GRIA1: variants seen among roughly 807,000 people sequenced by gnomAD.
GRIA1 encodes glutamate receptor 1.
In GRIA1, 31 loss-of-function variants were observed where a neutral mutation model predicts 99.2. The ratio of observed to expected loss-of-function variants is 0.31; its 90% CI spans 0.23 to 0.42. GRIA1 has a LOEUF of 0.42. GRIA1 is among the 10% of genes least tolerant of loss of function. The pLI is 1.00. For missense variants in GRIA1, 782 were observed against 1,157.5 expected, an observed-to-expected ratio of 0.68 and a Z score of 4.71; for synonymous variants, 438 against 432.4, an observed-to-expected ratio of 1.01 and a Z score of -0.16.
intron 2 of GRIA1, among the ~76,000 whole-genome samples, chr5:153,533,558 CT>C (rs927725822): frequency 1.3e-5 from 2 of 152,176 alleles, no homozygotes; most frequent in African/African-American, 4.8e-5. Flanking sequence ...TCTCAAGAAA[CT>C]TGTGTCTCAG....
intron 2 of GRIA1, among the ~76,000 whole-genome samples, chr5:153,590,442 C>T (rs1022674741): frequency 2.6e-5 from 4 of 151,010 alleles, no homozygotes; most frequent in Non-Finnish European, 5.9e-5. Context: ...ACTGAGAGAC[C>T]GCCAGAGTCC....
chr5:153,627,587 C>T (rs1219990518), intron 2 of GRIA1, among the ~76,000 whole-genome samples: 1 of 152,104 alleles, frequency 6.6e-6, no homozygotes, highest in Non-Finnish European at 1.5e-5. Context: ...ATGGGGCAAG[C>T]GATGCTCTCT....
chr5:153,533,797 C>T (rs894279563), intron 2 of GRIA1, among the ~76,000 whole-genome samples: 1 of 152,174 alleles, frequency 6.6e-6, no homozygotes, highest in African/African-American at 2.4e-5. Context: ...CATATGAGTG[C>T]CGAGCATTCT....
intron 5 of GRIA1, among the ~76,000 whole-genome samples, chr5:153,656,135 T>C (rs1406377025): frequency 6.6e-6 from 1 of 152,204 alleles, no homozygotes; most frequent in Non-Finnish European, 1.5e-5. Context: ...ATTCCAGCTT[T>C]AATTGGCTCT....
At chr5:153,758,831 A>G (rs1581607330) in intron 11 of GRIA1, among the ~76,000 whole-genome samples, 1 of 152,020 alleles carries the variant, frequency 6.6e-6, no homozygotes, top group Non-Finnish European at 1.5e-5. Context: ...TATCACATAC[A>G]TATATCACAA....
At chr5:153,626,143 G>C (rs569015216) in intron 2 of GRIA1, among the ~76,000 whole-genome samples, 1 of 152,182 alleles carries the variant, frequency 6.6e-6, no homozygotes, top group Admixed American at 6.5e-5. Flanking sequence ...TAGTTTCCTC[G>C]TTGGGTTATG....
At chr5:153,530,995 CA>C (rs1337779561) in intron 2 of GRIA1, among the ~76,000 whole-genome samples, 1 of 152,098 alleles carries the variant, frequency 6.6e-6, no homozygotes, top group African/African-American at 2.4e-5. Context: ...TAATAAAGGT[CA>C]GGGGGAAAAT....
At chr5:153,688,654 G>A (rs1354694453) in intron 8 of GRIA1, among the ~76,000 whole-genome samples, 1 of 152,178 alleles carries the variant, frequency 6.6e-6, no homozygotes, top group East Asian at 1.9e-4. Flanking sequence ...CTACTGTTAA[G>A]AGTACTGCCT....
At chr5:153,544,884 T>A (rs1210116933) in intron 2 of GRIA1, among the ~76,000 whole-genome samples, 2 of 152,106 alleles carry the variant, frequency 1.3e-5, no homozygotes, top group Non-Finnish European at 2.9e-5. Context: ...CCAAAATAAA[T>A]GAGGTAATTT....
chr5:153,809,073 CT>C (rs1766633233), intron 15 of GRIA1, among the ~76,000 whole-genome samples: 2 of 152,250 alleles, frequency 1.3e-5, no homozygotes, highest in African/African-American at 4.8e-5. Flanking sequence ...CTTTAGTGGT[CT>C]TTTTTCCTTA....
intron 8 of GRIA1, among the ~76,000 whole-genome samples, 185 bp from the exon 9 acceptor site, chr5:153,697,859 T>C (rs963854584): frequency 1.3e-5 from 2 of 152,166 alleles, no homozygotes; most frequent in African/African-American, 2.4e-5. Flanking sequence ...GGGAGCAAAA[T>C]TGGGGGCACC....
At chr5:153,639,209 T>C (rs1450371856) in intron 2 of GRIA1, among the ~76,000 whole-genome samples, 1 of 152,192 alleles carries the variant, frequency 6.6e-6, no homozygotes, top group Admixed American at 6.5e-5. Flanking sequence ...AGGAAAGGTC[T>C]TGTGAGACCA....
intron 2 of GRIA1, 69 bp downstream of exon 2, chr5:153,494,134 G>GACCAAT: frequency 6.5e-7 from 1 of 1,529,710 alleles, no homozygotes; most frequent in Non-Finnish European, 8.9e-7. Context: ...CCTGTGGGTA[G>GACCAAT]GTGGTGGTGT....
intron 5 of GRIA1, among the ~76,000 whole-genome samples, chr5:153,673,802 T>C (rs1421531188): frequency 6.6e-6 from 1 of 152,266 alleles, no homozygotes; most frequent in African/African-American, 2.4e-5. Flanking sequence ...TCTTGAGTTT[T>C]AGTAAACTTC....
At chr5:153,491,286 G>T in intron 1 of GRIA1, 1 of 1,286,442 alleles carries the variant, frequency 7.8e-7, no homozygotes, top group Non-Finnish European at 9.9e-7. Flanking sequence ...GGTGTTTAAG[G>T]AGTTAACTCT....
chr5:153,563,333 G>A (rs1385196340), intron 2 of GRIA1, among the ~76,000 whole-genome samples: 1 of 152,176 alleles, frequency 6.6e-6, no homozygotes, highest in Non-Finnish European at 1.5e-5. Context: ...TGATTCTGAT[G>A]TGAGATAATG....
intron 10 of GRIA1, among the ~76,000 whole-genome samples, chr5:153,702,855 CCCTCACAAAACAAG>C (rs1316994061): frequency 6.6e-6 from 1 of 152,190 alleles, no homozygotes; most frequent in Non-Finnish European, 1.5e-5. Flanking sequence ...ATTATCTTGA[CCCTCACAAAACAAG>C]CCTGTGAAAT....
chr5:153,740,176 C>T (rs1205283325), intron 11 of GRIA1, among the ~76,000 whole-genome samples: 1 of 152,212 alleles, frequency 6.6e-6, no homozygotes, highest in Non-Finnish European at 1.5e-5. Context: ...TGTTGACTGA[C>T]TAATGTATTA....
chr5:153,738,839 C>T lies in GRIA1; in HGVS notation c.1824-25595C>T, dbSNP rs567090203. Among the ~76,000 whole-genome samples the T allele has an allele frequency of 4.6e-5, 7 of 151,072 alleles. No homozygotes were observed. In the South Asian group the frequency reaches 1.5e-3, roughly 32 times the overall value. ...CCAGGTTCAAGTGATTTTCCTGCCT[C>T]AGCCTACCAAGTAGCTGGGATTACA... On this transcript the variant is annotated intron_variant, in intron 11 of 15. Transcript: ENST00000285900.
Sources: allele counts gnomAD v4.1 joint callset (sites outside exome capture counted in the v4.1 genomes callset), GRCh38; gene constraint gnomAD v4.1.1; transcripts MANE v1.5; gene names NCBI Gene and HGNC (gene_info 2026-07-23, HGNC 2026-07-21).